STAT5B: variants seen among roughly 807,000 people sequenced by gnomAD.
The protein encoded by STAT5B is signal transducer and activator of transcription 5B, also known as transcription factor STAT5B.
STAT5B carries 21 observed loss-of-function variants against 107.8 expected under a neutral mutation model. The ratio of observed to expected loss-of-function variants is 0.19; its 90% confidence interval spans 0.14 to 0.28. The LOEUF is 0.28. STAT5B is among the 10% of genes least tolerant of loss of function. The probability of loss-of-function intolerance (pLI) is 1.00; values close to 1 mark genes in which losing one functional copy is unlikely to be tolerated. For missense variants in STAT5B, 565 were observed against 1,008.2 expected, an observed-to-expected ratio of 0.56 and a Z score of 5.95; for synonymous variants, 325 against 401.7, an observed-to-expected ratio of 0.81 and a Z score of 2.28.
At position 42,217,584 on chromosome 17, in the gene STAT5B, G is replaced by A. The variant is rs1167227398; in HGVS notation, c.1170-120C>T. 1.0e-5 allele frequency: 11 copies of A among 1,060,786 alleles called. No homozygotes were observed. In the East Asian group the frequency reaches 2.8e-4, roughly 27 times the overall value. The allele number at this position is 1,060,786 out of a possible 1,614,324, so 65.7% of individuals were successfully genotyped here. ...GTTTGCTAAAAATGTACGTCATTTA[G>A]AGGAAATGTTAGCTACATAACACAT... On this transcript the variant is annotated intron_variant, in intron 9 of 18. Coordinates refer to ENST00000293328, the MANE Select transcript of STAT5B (RefSeq NM_012448.4).
chr17:42,243,552 G>A (rs1466994382), intron 1 of STAT5B, among the ~76,000 whole-genome samples: 1 of 152,174 alleles, frequency 6.6e-6, no homozygotes, highest in Admixed American at 6.6e-5. Context: ...TTTGGCAGGA[G>A]AAACGGAAGA....
At chr17:42,254,241 G>A (rs961628390) in intron 1 of STAT5B, among the ~76,000 whole-genome samples, 24 of 152,180 alleles carry the variant, frequency 1.6e-4, no homozygotes, top group Admixed American at 1.4e-3. Context: ...TTAGCCAGGC[G>A]TGCTGGTATG....
intron 13 of STAT5B, among the ~76,000 whole-genome samples, chr17:42,210,927 A>G (rs952918486): frequency 6.6e-6 from 1 of 152,204 alleles, no homozygotes; most frequent in Non-Finnish European, 1.5e-5. Flanking sequence ...ATAGCCGGGC[A>G]TGGTGGCTCA....
intron 1 of STAT5B, among the ~76,000 whole-genome samples, chr17:42,260,940 A>C (rs1189683448): frequency 1.4e-5 from 2 of 147,282 alleles, no homozygotes; most frequent in Non-Finnish European, 3.0e-5. Flanking sequence ...TTCTTGAGAC[A>C]GAGTCTCATT....
At chr17:42,267,852 G>A (rs1016005771) in intron 1 of STAT5B, among the ~76,000 whole-genome samples, 2 of 151,626 alleles carry the variant, frequency 1.3e-5, no homozygotes, top group East Asian at 1.9e-4. Context: ...CCAGCTATTC[G>A]GGAGGCTGAG....
At chr17:42,269,505 T>C (rs1253226553) in intron 1 of STAT5B, 6 of 152,228 alleles carry the variant, frequency 3.9e-5, no homozygotes, top group African/African-American at 1.2e-4. Flanking sequence ...GCAGCTTTAA[T>C]TGTAGGATCT....
chr17:42,257,604 T>C (rs2080557456), intron 1 of STAT5B, among the ~76,000 whole-genome samples: 1 of 152,236 alleles, frequency 6.6e-6, no homozygotes, highest in Non-Finnish European at 1.5e-5. Flanking sequence ...ATAACTTTCA[T>C]GATTGCCACA....
At chr17:42,257,738 G>A (rs2080558898) in intron 1 of STAT5B, among the ~76,000 whole-genome samples, 1 of 152,226 alleles carries the variant, frequency 6.6e-6, no homozygotes, top group East Asian at 1.9e-4. Flanking sequence ...AGTACAGGGT[G>A]GTAGATAGCT....
At position 42,201,486 on chromosome 17, in the gene STAT5B, A is replaced by C. The variant is rs2080042623; in HGVS notation, c.*252T>G. The C allele has an allele frequency of 8.1e-6, 5 of 619,936 alleles. No homozygotes were observed. Among genetic ancestry groups the C allele is most frequent in the Non-Finnish European group, 1.2e-5 (4 of 342,068 alleles). 38.4% of individuals were successfully genotyped at this position (619,936 alleles called of 1,614,324 possible). A position where few individuals can be genotyped will look rare whatever the true frequency, so the allele number is the denominator to read the frequency against. ...GCCCCTCTGCTACAACTAAACTCTC[A>C]GACAGTGAGAGGGAGAAACACCATA... is the stretch of plus-strand genomic sequence containing the variant. On this transcript the variant is annotated 3_prime_UTR_variant, in exon 19 of 19. Coordinates refer to ENST00000293328, the MANE Select transcript of STAT5B (RefSeq NM_012448.4).
rs538082718 is a variant in STAT5B, at chr17:42,239,667, G to C, written c.-10-7530C>G. On this transcript the variant is annotated intron_variant, in intron 1 of 18. Transcript: ENST00000293328. ...CTATTATTATCCCCGTTATGGATGAGGAAATTGAGGGTCATCAAGATTAAG... is the reference window on the plus strand; with the variant it reads ...CTATTATTATCCCCGTTATGGATGACGAAATTGAGGGTCATCAAGATTAAG... Among the ~76,000 whole-genome samples, 26 of 152,298 alleles carry C rather than the reference G, an allele frequency of 1.7e-4. No individual in the cohort carries two copies. In the South Asian group the frequency reaches 2.1e-3, roughly 12 times the overall value.
the STAT5B span, among the ~76,000 whole-genome samples, chr17:42,282,458 G>A: frequency 1.3e-5 from 2 of 152,082 alleles, no homozygotes; most frequent in Non-Finnish European, 2.9e-5. Context: ...CAAATAGCTG[G>A]GATTACAGGC....
chr17:42,284,783 C>T, the STAT5B span, among the ~76,000 whole-genome samples: 1 of 152,224 alleles, frequency 6.6e-6, no homozygotes, highest in African/African-American at 2.4e-5. Context: ...AAAGGTTATA[C>T]TGAGACCCTG....
chr17:42,255,533 C>CA (rs112996291), intron 1 of STAT5B, among the ~76,000 whole-genome samples: 3 of 151,968 alleles, frequency 2.0e-5, no homozygotes, highest in African/African-American at 4.8e-5. Context: ...AATTATGTTG[C>CA]AAAAAAAGGA....
At chr17:42,249,942 G>A (rs1390116592) in intron 1 of STAT5B, among the ~76,000 whole-genome samples, 1 of 152,076 alleles carries the variant, frequency 6.6e-6, no homozygotes, top group Non-Finnish European at 1.5e-5. Context: ...GATGACAGGC[G>A]TGAGCCACTG....
intron 1 of STAT5B, among the ~76,000 whole-genome samples, chr17:42,244,777 C>T (rs1000330321): frequency 6.6e-6 from 1 of 151,994 alleles, no homozygotes; most frequent in African/African-American, 2.4e-5. Flanking sequence ...CCAAAATGTC[C>T]AAAATAGGGG....
intron 1 of STAT5B, among the ~76,000 whole-genome samples, chr17:42,249,759 C>T (rs1156553639): frequency 6.6e-6 from 1 of 152,126 alleles, no homozygotes; most frequent in Non-Finnish European, 1.5e-5. Context: ...CTCCCAGGCT[C>T]TAGCAATCCT....
At chr17:42,253,519 G>A (rs1319725446) in intron 1 of STAT5B, among the ~76,000 whole-genome samples, 1 of 152,172 alleles carries the variant, frequency 6.6e-6, no homozygotes, top group African/African-American at 2.4e-5. Context: ...TGTAGGGGCA[G>A]GGCAATAATG....
intron 1 of STAT5B, among the ~76,000 whole-genome samples, chr17:42,244,546 T>C (rs2080434788): frequency 6.6e-6 from 1 of 152,220 alleles, no homozygotes; most frequent in African/African-American, 2.4e-5. Flanking sequence ...AAATGAAATA[T>C]AATCCCTTTC....
At chr17:42,230,108 C>T (rs574136367) in intron 2 of STAT5B, among the ~76,000 whole-genome samples, 2 of 152,202 alleles carry the variant, frequency 1.3e-5, no homozygotes, top group South Asian at 4.1e-4. Flanking sequence ...AAGCACTAAA[C>T]GAGGTACAGC....
Sources: allele counts gnomAD v4.1 joint callset (sites outside exome capture counted in the v4.1 genomes callset), GRCh38; gene constraint gnomAD v4.1.1; transcripts MANE v1.5; gene names NCBI Gene and HGNC (gene_info 2026-07-23, HGNC 2026-07-21).